The following ALS2 variants were observed in gnomAD, a reference collection of about 807,000 sequenced individuals.
The protein encoded by ALS2 is alsin.
A neutral mutation model predicts 203.4 loss-of-function variants in ALS2; 117 were observed. The ratio of observed to expected loss-of-function variants is 0.58; its 90% CI spans 0.50 to 0.67. The LOEUF (loss-of-function observed/expected upper bound fraction) is 0.67, where lower values mean the gene tolerates loss of function less well. Among genes scored for constraint, ALS2 ranks in the 30% least tolerant of loss-of-function variants. The pLI is 0.00. For synonymous variants in ALS2, 718 were observed against 725.9 expected (o/e 0.99, Z 0.17); for missense variants, 1,715 against 1,989.4 (o/e 0.86, Z 2.62).
chr2:201,713,834 A>C (rs1377999784), intron 25 of ALS2, among the ~76,000 whole-genome samples: 1 of 152,210 alleles, frequency 6.6e-6, no homozygotes, highest in Non-Finnish European at 1.5e-5. Context: ...TCCTGAAATA[A>C]ATTGAGATTT....
intron 7 of ALS2, among the ~76,000 whole-genome samples, chr2:201,750,793 G>C (rs1174284800): frequency 2.0e-5 from 3 of 151,226 alleles, no homozygotes; most frequent in Non-Finnish European, 4.4e-5. Context: ...TAACTATCTA[G>C]AACTCTACTG....
intron 14 of ALS2, 34 bp from the exon 15 acceptor site, chr2:201,728,674 C>T: frequency 6.2e-7 from 1 of 1,603,758 alleles, no homozygotes; most frequent in Non-Finnish European, 8.5e-7. Flanking sequence ...ACAAGTCAAA[C>T]AATCAAAATT....
intron 33 of ALS2, among the ~76,000 whole-genome samples, 189 bp from the exon 34 acceptor site, chr2:201,702,078 C>T (rs1390157281): frequency 6.7e-6 from 1 of 148,336 alleles, no homozygotes; most frequent in East Asian, 1.9e-4. Context: ...CTTTTGCCTA[C>T]TTGTAATTAG....
At chr2:201,779,913 C>A (rs914738134) in intron 1 of ALS2, 1 of 152,192 alleles carries the variant, frequency 6.6e-6, no homozygotes, top group East Asian at 1.9e-4. Context: ...GTCAACCGGT[C>A]ACTCCAAATC....
intron 7 of ALS2, among the ~76,000 whole-genome samples, chr2:201,751,833 T>C (rs1693083934): frequency 6.6e-6 from 1 of 152,170 alleles, no homozygotes; most frequent in African/African-American, 2.4e-5. Context: ...TGTATAGCCA[T>C]CTTAGTTTTC....
intron 4 of ALS2, among the ~76,000 whole-genome samples, chr2:201,758,880 T>C (rs541588367): frequency 1.6e-3 from 247 of 152,276 alleles, no homozygotes; most frequent in African/African-American, 5.6e-3. Flanking sequence ...TCAAAACATT[T>C]TGTTGAATTA....
intron 26 of ALS2, 116 bp downstream of exon 26, chr2:201,710,875 C>A (rs1446406318): frequency 4.2e-6 from 3 of 717,598 alleles, no homozygotes; most frequent in Non-Finnish European, 7.5e-6. Context: ...AAAAGAAATG[C>A]ACAGGATGCA....
chr2:201,775,069 C>A (rs1289497264), intron 1 of ALS2, among the ~76,000 whole-genome samples: 1 of 152,082 alleles, frequency 6.6e-6, no homozygotes, highest in African/African-American at 2.4e-5. Context: ...AGTAAAACAA[C>A]AGTAATAATT....
At chr2:201,720,955 C>CA (rs1049128115) in intron 23 of ALS2, among the ~76,000 whole-genome samples, 10 of 151,534 alleles carry the variant, frequency 6.6e-5, no homozygotes, top group Non-Finnish European at 1.2e-4. Context: ...AATCCACACA[C>CA]AAAAAAAACC....
Position 201,726,471 on chromosome 2 carries a change from A to AC in ALS2, c.3248+12dup. The AC allele has an allele frequency of 6.2e-7, 1 of 1,610,798 alleles. No homozygotes were observed. Among genetic ancestry groups the AC allele is most frequent in the South Asian group, 1.1e-5 (1 of 91,018 alleles). On this transcript the variant is annotated intron_variant, in intron 19 of 33. Transcript: ENST00000264276. ...ACTTGAATTTACTGTCATGTTTTAC[A>AC]CAATTTTCTTACCCATCTTCCAAGC...
intron 3 of ALS2, 108 bp from the exon 4 acceptor site, chr2:201,761,926 C>A: frequency 8.0e-7 from 1 of 1,251,726 alleles, no homozygotes; most frequent in Non-Finnish European, 1.1e-6. Context: ...ATTGGATTTT[C>A]TTTTTAAATT....
chr2:201,744,210 A>C (rs1692478017), intron 10 of ALS2, 48 bp downstream of exon 10: 1 of 1,565,844 alleles, frequency 6.4e-7, no homozygotes, highest in Admixed American at 1.7e-5. Context: ...GGAAGAAGAG[A>C]TAAAGACCTG....
intron 23 of ALS2, chr2:201,722,599 G>A (rs1474683273): frequency 1.3e-5 from 2 of 159,790 alleles, no homozygotes; most frequent in Non-Finnish European, 2.8e-5. Flanking sequence ...CCATCAACTG[G>A]TAAAAGGATA....
chr2:201,715,528 G>GAAGAT (rs1690318220), intron 25 of ALS2, 144 bp downstream of exon 25: 2 of 919,818 alleles, frequency 2.2e-6, no homozygotes, highest in Non-Finnish European at 3.3e-6. Context: ...AGAAGATAAA[G>GAAGAT]AAAGTGTGTT....
chr2:201,738,601 AAAACAGAGCAC>A (rs1251943602), intron 12 of ALS2, 58 bp downstream of exon 12: 2 of 1,472,248 alleles, frequency 1.4e-6, no homozygotes, highest in Non-Finnish European at 1.9e-6. Context: ...TGAGCACTCG[AAAACAGAGCAC>A]TATAAAATGT....
At chr2:201,777,784 G>A (rs149136343) in intron 1 of ALS2, among the ~76,000 whole-genome samples, 2 of 152,166 alleles carry the variant, frequency 1.3e-5, no homozygotes, top group Admixed American at 6.5e-5. Flanking sequence ...CTTTCAAAGT[G>A]TACACAAATG....
intron 8 of ALS2, among the ~76,000 whole-genome samples, chr2:201,747,948 G>A (rs1436845441): frequency 6.6e-6 from 1 of 152,138 alleles, no homozygotes; most frequent in African/African-American, 2.4e-5. Flanking sequence ...TGGGTTTTAT[G>A]TATGGGATTC....
intron 1 of ALS2, among the ~76,000 whole-genome samples, chr2:201,778,671 G>T (rs1217270708): frequency 6.6e-6 from 1 of 152,124 alleles, no homozygotes; most frequent in Non-Finnish European, 1.5e-5. Flanking sequence ...AAATTGTTTG[G>T]TCATCAATGA....
chr2:201,780,210 G>A (rs1025915925), intron 1 of ALS2: 7 of 152,194 alleles, frequency 4.6e-5, no homozygotes, highest in Admixed American at 4.6e-4. Context: ...CTCCAAAGCA[G>A]CCCTATTATC....
Sources: gnomAD v4.1 joint callset for allele counts (sites outside exome capture counted in the v4.1 genomes callset) on GRCh38, gnomAD v4.1.1 for gene constraint, MANE v1.5 for transcripts, NCBI Gene and HGNC (gene_info 2026-07-23, HGNC 2026-07-21) for gene names.